AKAP12: variants seen among roughly 807,000 people sequenced by gnomAD.
The protein encoded by AKAP12 is A-kinase anchor protein 12.
AKAP12 carries 32 observed loss-of-function variants against 79.9 expected under a neutral mutation model. The observed-to-expected ratio is 0.40, with a 90% CI of 0.30 to 0.54. AKAP12 has a LOEUF of 0.54. Among genes scored for constraint, AKAP12 ranks in the 20% least tolerant of loss-of-function variants. The pLI, the probability that AKAP12 is intolerant of heterozygous loss-of-function variation, is 0.48. For synonymous variants in AKAP12, 808 were observed against 857.0 expected, an observed-to-expected ratio of 0.94 and a Z score of 1.00; for missense variants, 2,074 against 2,177.0, an observed-to-expected ratio of 0.95 and a Z score of 0.94.
chr6:151,266,587 T>A (rs1221045166), intron 2 of AKAP12, among the ~76,000 whole-genome samples: 1 of 152,200 alleles, frequency 6.6e-6, no homozygotes, highest in Admixed American at 6.5e-5. Flanking sequence ...TCTCACCATA[T>A]AAGTGTTCAT....
At chr6:151,343,590 C>T (rs1015579770) in intron 3 of AKAP12, among the ~76,000 whole-genome samples, 8 of 152,178 alleles carry the variant, frequency 5.3e-5, no homozygotes, top group African/African-American at 1.9e-4. Flanking sequence ...TTGAAACCAG[C>T]CTGGCCAACA....
chr6:151,300,988 G>A (rs1294162783), intron 2 of AKAP12, among the ~76,000 whole-genome samples: 1 of 152,166 alleles, frequency 6.6e-6, no homozygotes, highest in Non-Finnish European at 1.5e-5. Flanking sequence ...TCAGGGTGGA[G>A]GGATAAAGCT....
intron 2 of AKAP12, among the ~76,000 whole-genome samples, chr6:151,249,070 C>T (rs935056312): frequency 2.6e-5 from 4 of 152,102 alleles, no homozygotes; most frequent in South Asian, 4.1e-4. Flanking sequence ...GTGAAATGCC[C>T]GTATCCCTAC....
At chr6:151,324,318 T>C (rs113360267) in intron 3 of AKAP12, 9 of 985,290 alleles carry the variant, frequency 9.1e-6, no homozygotes, top group African/African-American at 8.7e-5. Context: ...GCCAGGCTTT[T>C]GGAGAGGCTG....
chr6:151,326,417 G>A (rs1777527192), intron 3 of AKAP12, among the ~76,000 whole-genome samples: 3 of 151,156 alleles, frequency 2.0e-5, no homozygotes, highest in Admixed American at 2.0e-4. Context: ...TGCTTTAAGT[G>A]GTGGTTTTAA....
At chr6:151,249,918 T>C (rs1032152066) in intron 2 of AKAP12, among the ~76,000 whole-genome samples, 2 of 152,160 alleles carry the variant, frequency 1.3e-5, no homozygotes, top group African/African-American at 4.8e-5. Flanking sequence ...AGTTCATACA[T>C]ACATAAATAC....
Position 151,296,826 on chromosome 6 carries a change from T to C in AKAP12, c.163-8921T>C, listed in dbSNP as rs547397831. Among the ~76,000 whole-genome samples, 3 of 152,254 alleles carry C rather than the reference T, an allele frequency of 2.0e-5. No homozygotes were observed. In the Middle Eastern group the frequency reaches 0.01, roughly 518 times the overall value. On this transcript the variant is annotated intron_variant, in intron 2 of 4. Coordinates refer to ENST00000402676, the MANE Select transcript of AKAP12 (RefSeq NM_005100.4). ...GAAAGCATGACTGTCGGGGAAGGAATGGAGAGACTAAAGAATTTGATCCAG... is the reference window on the plus strand; with the variant it reads ...GAAAGCATGACTGTCGGGGAAGGAACGGAGAGACTAAAGAATTTGATCCAG...
intron 3 of AKAP12, chr6:151,348,265 C>A: frequency 2.4e-6 from 1 of 422,646 alleles, no homozygotes; most frequent in Non-Finnish European, 4.6e-6. Flanking sequence ...ACAGAGGTTG[C>A]AGTGAACCGA....
intron 2 of AKAP12, among the ~76,000 whole-genome samples, chr6:151,297,764 C>G (rs1562726584): frequency 6.6e-6 from 1 of 151,992 alleles, no homozygotes; most frequent in Non-Finnish European, 1.5e-5. Flanking sequence ...GTTGGATTCC[C>G]TTTTCATTTC....
intron 2 of AKAP12, among the ~76,000 whole-genome samples, chr6:151,261,234 G>T (rs1797423508): frequency 1.3e-5 from 2 of 151,802 alleles, no homozygotes; most frequent in East Asian, 1.9e-4. Flanking sequence ...CTAAAAATTA[G>T]CTGGGCGTGG....
intron 4 of AKAP12, among the ~76,000 whole-genome samples, 195 bp downstream of exon 4, chr6:151,353,947 T>C (rs1778369763): frequency 6.6e-6 from 1 of 152,218 alleles, no homozygotes; most frequent in African/African-American, 2.4e-5. Context: ...TTTAGTCTTA[T>C]CGATGTTATG....
chr6:151,242,495 C>A (rs1796997910), intron 2 of AKAP12, among the ~76,000 whole-genome samples: 1 of 152,224 alleles, frequency 6.6e-6, no homozygotes, highest in Non-Finnish European at 1.5e-5. Context: ...AATTTGGAGA[C>A]AAATCAGTGC....
chr6:151,348,410 AG>A (rs1291955197), intron 3 of AKAP12: 3 of 515,966 alleles, frequency 5.8e-6, no homozygotes, highest in Admixed American at 4.5e-5. Context: ...AAGCTGAGAC[AG>A]GAGGGTCACT....
chr6:151,266,077 A>G (rs1270467701), intron 2 of AKAP12, among the ~76,000 whole-genome samples: 2 of 152,218 alleles, frequency 1.3e-5, no homozygotes, highest in African/African-American at 2.4e-5. Flanking sequence ...TGATCAAAAT[A>G]TCTGGAATAA....
At chr6:151,321,910 T>G (rs1327195202) in intron 3 of AKAP12, among the ~76,000 whole-genome samples, 5 of 145,472 alleles carry the variant, frequency 3.4e-5, no homozygotes, top group East Asian at 2.0e-4. Context: ...TATGTTTTTT[T>G]TTTTTTTTTT....
chr6:151,330,941 A>G (rs1478622408), intron 3 of AKAP12, among the ~76,000 whole-genome samples: 1 of 152,114 alleles, frequency 6.6e-6, no homozygotes, highest in Non-Finnish European at 1.5e-5. Flanking sequence ...GAGCGTTTGC[A>G]GCTTTGGGGA....
At chr6:151,251,241 A>G (rs1001591232) in intron 2 of AKAP12, among the ~76,000 whole-genome samples, 1 of 152,222 alleles carries the variant, frequency 6.6e-6, no homozygotes, top group African/African-American at 2.4e-5. Flanking sequence ...AGAGCTGCAG[A>G]GGCAATAGAG....
intron 2 of AKAP12, chr6:151,280,566 T>C (rs1183142233): frequency 6.6e-6 from 1 of 152,004 alleles, no homozygotes; most frequent in African/African-American, 2.4e-5. Context: ...GTAGGGGCCA[T>C]GTATCGTTTC....
At chr6:151,325,710 G>C (rs1777507104) in intron 3 of AKAP12, 1 of 1,484,750 alleles carries the variant, frequency 6.7e-7, no homozygotes, top group Non-Finnish European at 8.9e-7. Context: ...GGCACCTCCG[G>C]TTCTCCCCCA....
Sources: allele counts gnomAD v4.1 joint callset (sites outside exome capture counted in the v4.1 genomes callset), GRCh38; gene constraint gnomAD v4.1.1; transcripts MANE v1.5; gene names NCBI Gene and HGNC (gene_info 2026-07-23, HGNC 2026-07-21).